Variants in NAALADL2 observed in about 807,000 individuals in gnomAD.
NAALADL2 encodes the protein inactive N-acetylated-alpha-linked acidic dipeptidase-like protein 2.
NAALADL2 carries 76 observed loss-of-function variants against 87.2 expected under a neutral mutation model. That is an observed-to-expected ratio of 0.87 (90% CI 0.72 to 1.05). The LOEUF (loss-of-function observed/expected upper bound fraction) is 1.05. NAALADL2 is among the 50% of genes least tolerant of loss of function. The pLI is 0.00. For missense variants in NAALADL2, 1,089 were observed against 945.8 expected (o/e 1.15, Z -1.99); for synonymous variants, 354 against 331.0 (o/e 1.07, Z -0.75).
At chr3:174,625,057 C>CTTTTTTTT (rs1553802468) in intron 2 of NAALADL2, among the ~76,000 whole-genome samples, 5 of 78,852 alleles carry the variant, frequency 6.3e-5, no homozygotes, top group African/African-American at 2.0e-4. Flanking sequence ...CTCTCTCTCT[C>CTTTTTTTT]TTTTTTTTTT....
At chr3:174,876,258 G>C (rs982658293) in intron 1 of NAALADL2, among the ~76,000 whole-genome samples, 2 of 152,112 alleles carry the variant, frequency 1.3e-5, no homozygotes, top group Admixed American at 6.6e-5. Flanking sequence ...GGCTCTGTAA[G>C]AGCAAAACAG....
At chr3:174,742,296 AC>A (rs1733839539) in intron 3 of NAALADL2, among the ~76,000 whole-genome samples, 2 of 151,714 alleles carry the variant, frequency 1.3e-5, no homozygotes, top group African/African-American at 4.8e-5. Context: ...AGTGGGGGAT[AC>A]AAAAACATTA....
chr3:175,345,721 C>T (rs535467466), intron 5 of NAALADL2, among the ~76,000 whole-genome samples: 1 of 152,214 alleles, frequency 6.6e-6, no homozygotes, highest in Admixed American at 6.5e-5. Context: ...TAAGAAGTCA[C>T]CCATGGCATT....
intron 2 of NAALADL2, among the ~76,000 whole-genome samples, chr3:174,568,903 A>G (rs773555928): frequency 2.6e-5 from 4 of 151,472 alleles, no homozygotes; most frequent in African/African-American, 9.7e-5. Context: ...AACTGAATTT[A>G]TCTTAATACA....
intron 4 of NAALADL2, among the ~76,000 whole-genome samples, chr3:175,283,778 A>C (rs531552690): frequency 6.6e-6 from 1 of 150,456 alleles, no homozygotes; most frequent in East Asian, 1.9e-4. Flanking sequence ...TTATATATCC[A>C]GTGGTTATTT....
chr3:175,301,363 A>G (rs1345325949), intron 4 of NAALADL2, among the ~76,000 whole-genome samples: 1 of 152,158 alleles, frequency 6.6e-6, no homozygotes, highest in Non-Finnish European at 1.5e-5. Flanking sequence ...ACCATGGCAC[A>G]TATATACCTA....
At chr3:175,114,824 A>T (rs1724826177) in intron 2 of NAALADL2, among the ~76,000 whole-genome samples, 1 of 151,634 alleles carries the variant, frequency 6.6e-6, no homozygotes, top group South Asian at 2.1e-4. Context: ...GCTTAGACTC[A>T]TTACAGTATA....
chr3:175,258,693 C>G (rs1750501317), intron 4 of NAALADL2, among the ~76,000 whole-genome samples: 1 of 152,020 alleles, frequency 6.6e-6, no homozygotes, highest in Non-Finnish European at 1.5e-5. Context: ...CAGCTGCATG[C>G]CTGGTGACTG....
At chr3:174,991,715 C>G (rs941035462) in intron 1 of NAALADL2, among the ~76,000 whole-genome samples, 7 of 152,074 alleles carry the variant, frequency 4.6e-5, no homozygotes, top group African/African-American at 1.7e-4. Flanking sequence ...ATATGGAACA[C>G]AAGCCTTATT....
chr3:174,924,578 G>C (rs1195624702), intron 1 of NAALADL2, among the ~76,000 whole-genome samples: 1 of 152,096 alleles, frequency 6.6e-6, no homozygotes, highest in Non-Finnish European at 1.5e-5. Flanking sequence ...TATATACCCA[G>C]TTGTGGGATG....
chr3:174,981,936 T>G (rs1579848506), intron 1 of NAALADL2, among the ~76,000 whole-genome samples: 2 of 152,300 alleles, frequency 1.3e-5, no homozygotes, highest in East Asian at 1.9e-4. Flanking sequence ...CCTGCTTCCT[T>G]TACGGACACT....
At chr3:175,126,879 T>A (rs1460234535) in intron 2 of NAALADL2, among the ~76,000 whole-genome samples, 2 of 150,522 alleles carry the variant, frequency 1.3e-5, no homozygotes, top group African/African-American at 2.4e-5. Context: ...TTTTTAAGAA[T>A]GTTTACTAAC....
chr3:175,368,741 C>T (rs970884875), intron 5 of NAALADL2, among the ~76,000 whole-genome samples: 2 of 152,028 alleles, frequency 1.3e-5, no homozygotes, highest in Non-Finnish European at 2.9e-5. Flanking sequence ...TGTGTAGCCT[C>T]CTAAACAACT....
intron 3 of NAALADL2, among the ~76,000 whole-genome samples, chr3:174,808,556 C>G (rs1719776531): frequency 6.6e-6 from 1 of 152,100 alleles, no homozygotes; most frequent in Non-Finnish European, 1.5e-5. Context: ...ACAGCAACTG[C>G]TATTTTTAAA....
At chr3:175,781,647 A>AT (rs1751097339) in intron 13 of NAALADL2, among the ~76,000 whole-genome samples, 1 of 144,632 alleles carries the variant, frequency 6.9e-6, no homozygotes, top group Admixed American at 6.8e-5. Flanking sequence ...TTGTATTTTC[A>AT]TTTTTAGCAA....
At chr3:175,278,087 C>A (rs1423609139) in intron 4 of NAALADL2, among the ~76,000 whole-genome samples, 1 of 152,152 alleles carries the variant, frequency 6.6e-6, no homozygotes. Context: ...GATCGCGCCA[C>A]CGCACTCCAG....
intron 9 of NAALADL2, among the ~76,000 whole-genome samples, chr3:175,533,214 C>A (rs1295031799): frequency 6.6e-6 from 1 of 152,222 alleles, no homozygotes; most frequent in Non-Finnish European, 1.5e-5. Flanking sequence ...CCTTAATATA[C>A]ATTCCCATGC....
chr3:174,573,580 C>G (rs1715172478), intron 2 of NAALADL2, among the ~76,000 whole-genome samples: 1 of 152,066 alleles, frequency 6.6e-6, no homozygotes, highest in Non-Finnish European at 1.5e-5. Context: ...TAGCATGGCA[C>G]CATCATCTGC....
intron 3 of NAALADL2, among the ~76,000 whole-genome samples, chr3:175,241,020 T>A (rs1746770534): frequency 6.6e-6 from 1 of 152,132 alleles, no homozygotes; most frequent in African/African-American, 2.4e-5. Flanking sequence ...TCCCTTATTT[T>A]TCTATTGTAA....
Sources: allele counts gnomAD v4.1 joint callset (sites outside exome capture counted in the v4.1 genomes callset), GRCh38; gene constraint gnomAD v4.1.1; transcripts MANE v1.5; gene names NCBI Gene and HGNC (gene_info 2026-07-23, HGNC 2026-07-21).